DUSP19: variants seen among roughly 807,000 people sequenced by gnomAD.
DUSP19 encodes dual specificity protein phosphatase 19.
Under a neutral mutation model 16.6 loss-of-function variants are expected in DUSP19, and 14 were observed. That is an observed-to-expected ratio of 0.84 (90% CI 0.56 to 1.32). DUSP19 has a LOEUF of 1.32. Among genes scored for constraint, DUSP19 ranks in the 40% most tolerant of loss-of-function variants. DUSP19 has a pLI of 0.00. For missense variants in DUSP19, 258 were observed against 255.9 expected (o/e 1.01, Z -0.06); for synonymous variants, 81 against 90.5 (o/e 0.90, Z 0.59).
chr2:183,080,320 T>C (rs1181423770), intron 1 of DUSP19, among the ~76,000 whole-genome samples: 1 of 152,252 alleles, frequency 6.6e-6, no homozygotes, highest in African/African-American at 2.4e-5. Flanking sequence ...AAAAGGTTTT[T>C]GATGCAAATC....
At chr2:183,092,070 C>G (rs1559130236) in intron 3 of DUSP19, among the ~76,000 whole-genome samples, 1 of 152,132 alleles carries the variant, frequency 6.6e-6, no homozygotes, top group Non-Finnish European at 1.5e-5. Context: ...GAATATAAAC[C>G]AAGACATTGC....
In DUSP19 at chr2:183,092,751, T is replaced by G. The variant is rs546572697; in HGVS notation, c.427-2680T>G. Among the ~76,000 whole-genome samples the G allele has an allele frequency of 2.1e-3, 310 of 147,376 alleles. 2 individuals carry two copies. The highest frequency in any genetic ancestry group is 3.8e-3 in the Non-Finnish European group (255 of 67,398). ...CAGAATCTTACTCTGTCAACCAGGCTGGAGTGCAGTGGCATGATCTCAGCT... is the reference window on the plus strand; with the variant it reads ...CAGAATCTTACTCTGTCAACCAGGCGGGAGTGCAGTGGCATGATCTCAGCT... On this transcript the variant is annotated intron_variant, in intron 3 of 3. Coordinates refer to ENST00000354221, the MANE Select transcript of DUSP19 (RefSeq NM_080876.4).
chr2:183,084,408 C>CTCAAAA, intron 2 of DUSP19, among the ~76,000 whole-genome samples: 1 of 146,148 alleles, frequency 6.8e-6, no homozygotes, highest in Non-Finnish European at 1.5e-5. Flanking sequence ...GACTGGGCGA[C>CTCAAAA]AAAGCAAGAC....
At chr2:183,082,440 T>TC (rs1699604563) in intron 1 of DUSP19, among the ~76,000 whole-genome samples, 1 of 147,200 alleles carries the variant, frequency 6.8e-6, no homozygotes, top group African/African-American at 2.5e-5. Flanking sequence ...TTTTTTTTTT[T>TC]TGAGACGGAG....
chr2:183,092,737 T>A (rs1699748832), intron 3 of DUSP19, among the ~76,000 whole-genome samples: 1 of 142,808 alleles, frequency 7.0e-6, no homozygotes, highest in South Asian at 2.4e-4. Flanking sequence ...AGAATCTTAC[T>A]CTGTCAACCA....
Position 183,079,076 on chromosome 2 carries a change from C to T in DUSP19, c.143C>T (p.Pro48Leu). The T allele has an allele frequency of 6.2e-7, 1 of 1,613,990 alleles. No individual in the cohort carries two copies. The change falls in exon 1 of 4, where the codon CCG becomes CTG. Residue 48 changes from proline (P) to leucine (L), a missense_variant. Physicochemically the swap from Pro to Leu is moderately conservative, Grantham distance 98. Coordinates refer to ENST00000354221, the MANE Select transcript of DUSP19 (RefSeq NM_080876.4). ...ATTCATGTTGTGGAAGAAGTAGAGC[C>T]GAGCAGTGGGGGTGGTTGTGGTTAT... ...ARIHVVEEVE[P>L]SSGGGCGYVQ...
At chr2:183,093,770 G>A (rs1699763372) in intron 3 of DUSP19, among the ~76,000 whole-genome samples, 2 of 152,000 alleles carry the variant, frequency 1.3e-5, no homozygotes, top group African/African-American at 4.8e-5. Flanking sequence ...GCCTATGTAT[G>A]CATCATAAAG....
intron 3 of DUSP19, among the ~76,000 whole-genome samples, chr2:183,093,207 A>G (rs10460315): frequency 0.55 from 84,336 of 152,058 alleles, 26,141 homozygotes; most frequent in East Asian, 0.9. Context: ...CATAATTACT[A>G]TCTGCCTATA....
intron 1 of DUSP19, among the ~76,000 whole-genome samples, chr2:183,081,235 A>G (rs1699588565): frequency 1.3e-5 from 2 of 152,142 alleles, no homozygotes; most frequent in Admixed American, 6.5e-5. Flanking sequence ...ATATAGACAG[A>G]TAATTATTTA....
intron 3 of DUSP19, among the ~76,000 whole-genome samples, chr2:183,091,400 CCA>C (rs1699730645): frequency 1.3e-5 from 2 of 152,122 alleles, no homozygotes; most frequent in African/African-American, 4.8e-5. Context: ...AAAGCACACT[CCA>C]CAGTGTCGGA....
At position 183,079,080 on chromosome 2, in the gene DUSP19, C is replaced by G; in HGVS notation, c.147C>G (p.Ser49Arg). ...ATGTTGTGGAAGAAGTAGAGCCGAG[C>G]AGTGGGGGTGGTTGTGGTTATGTGC... ...RIHVVEEVEP[S>R]SGGGCGYVQD... Residue 49 changes from serine to arginine, a missense_variant, in exon 1 of 4, where the codon AGC (serine) becomes AGG (arginine). Physicochemically the swap from Ser to Arg is moderately radical, Grantham distance 110. Coordinates refer to ENST00000354221, the MANE Select transcript of DUSP19 (RefSeq NM_080876.4). The G allele has an allele frequency of 6.2e-7, 1 of 1,614,056 alleles. No homozygotes were observed. Among genetic ancestry groups the G allele is most frequent in the Non-Finnish European group, 8.5e-7 (1 of 1,180,012 alleles).
intron 2 of DUSP19, among the ~76,000 whole-genome samples, chr2:183,085,737 T>C (rs1331891660): frequency 6.6e-6 from 1 of 151,252 alleles, no homozygotes; most frequent in East Asian, 2.0e-4. Flanking sequence ...TAGGAAGCAC[T>C]GTGACTCCAA....
chr2:183,085,718 C>T (rs1435633392), intron 2 of DUSP19, among the ~76,000 whole-genome samples: 1 of 151,786 alleles, frequency 6.6e-6, no homozygotes, highest in East Asian at 1.9e-4. Context: ...TAGGGAGATG[C>T]CAAGAAAGTA....
intron 3 of DUSP19, among the ~76,000 whole-genome samples, chr2:183,092,544 A>G (rs1416674231): frequency 2.6e-5 from 4 of 151,968 alleles, no homozygotes; most frequent in Admixed American, 2.0e-4. Context: ...TTCCAGCTCC[A>G]TCTGTGTCCC....
chr2:183,087,310 T>C, intron 3 of DUSP19, 118 bp downstream of exon 3: 2 of 1,047,814 alleles, frequency 1.9e-6, no homozygotes, highest in Non-Finnish European at 2.7e-6. Context: ...AAATTTCCCT[T>C]CTAACAATAT....
intron 3 of DUSP19, among the ~76,000 whole-genome samples, chr2:183,088,548 A>G (rs1337436000): frequency 6.7e-6 from 1 of 148,940 alleles, no homozygotes; most frequent in Non-Finnish European, 1.5e-5. Flanking sequence ...TCAGCCTCCC[A>G]GGTAGTTGGG....
chr2:183,083,916 G>A (rs1183782680), intron 2 of DUSP19, among the ~76,000 whole-genome samples: 1 of 152,072 alleles, frequency 6.6e-6, no homozygotes. Context: ...CACGTCTTCT[G>A]TAATGCCATT....
intron 3 of DUSP19, among the ~76,000 whole-genome samples, chr2:183,092,395 C>G (rs552687054): frequency 1.3e-5 from 2 of 152,240 alleles, no homozygotes; most frequent in Admixed American, 1.3e-4. Flanking sequence ...CCTCCTACCC[C>G]ACCTAACCCC....
intron 1 of DUSP19, among the ~76,000 whole-genome samples, chr2:183,081,825 C>T (rs1575091995): frequency 6.6e-6 from 1 of 152,024 alleles, no homozygotes; most frequent in Non-Finnish European, 1.5e-5. Flanking sequence ...AGCATACTTG[C>T]TGGCCTTTCA....
Sources: allele counts gnomAD v4.1 joint callset (sites outside exome capture counted in the v4.1 genomes callset), GRCh38; gene constraint gnomAD v4.1.1; transcripts MANE v1.5; gene names NCBI Gene and HGNC (gene_info 2026-07-23, HGNC 2026-07-21).